CHST9: variants seen among roughly 807,000 people sequenced by gnomAD.
CHST9 encodes GalNAc-4-sulfotransferase 2.
A neutral mutation model predicts 44.4 loss-of-function variants in CHST9; 41 were observed. That is an observed-to-expected ratio of 0.92 (90% confidence interval 0.72 to 1.20). CHST9 has a LOEUF of 1.20. Ranked by LOEUF, CHST9 falls within the 50% of genes most tolerant of loss-of-function variation. The pLI, the probability that CHST9 is intolerant of heterozygous loss-of-function variation, is 0.00. For synonymous variants in CHST9, 171 were observed against 178.4 expected, an observed-to-expected ratio of 0.96 and a Z score of 0.33; for missense variants, 504 against 516.5, an observed-to-expected ratio of 0.98 and a Z score of 0.23.
At chr18:27,044,027 T>C (rs1027255058) in intron 3 of CHST9, among the ~76,000 whole-genome samples, 8 of 151,492 alleles carry the variant, frequency 5.3e-5, no homozygotes, top group African/African-American at 1.5e-4. Context: ...TTGTTTAGTT[T>C]GCATAAACAC....
At chr18:27,020,484 A>G (rs1201832414) in intron 4 of CHST9, among the ~76,000 whole-genome samples, 2 of 152,214 alleles carry the variant, frequency 1.3e-5, no homozygotes, top group African/African-American at 4.8e-5. Context: ...GAGTCTTTGG[A>G]GCTGTCTTTT....
At chr18:26,987,660 C>A (rs1459368332) in intron 4 of CHST9, among the ~76,000 whole-genome samples, 1 of 152,148 alleles carries the variant, frequency 6.6e-6, no homozygotes, top group Non-Finnish European at 1.5e-5. Flanking sequence ...TGTGTCCCCC[C>A]ATCTCCTGCA....
intron 4 of CHST9, among the ~76,000 whole-genome samples, chr18:26,947,001 G>A (rs1047732532): frequency 2.2e-4 from 33 of 152,076 alleles, no homozygotes; most frequent in Admixed American, 1.5e-3. Flanking sequence ...GGCTATATGT[G>A]CTCTTTTTTG....
At chr18:26,982,349 T>C (rs1213949876) in intron 4 of CHST9, among the ~76,000 whole-genome samples, 1 of 151,590 alleles carries the variant, frequency 6.6e-6, no homozygotes, top group African/African-American at 2.4e-5. Flanking sequence ...CTTTTTTTTT[T>C]TTTTTTGCCC....
Position 26,923,257 on chromosome 18 carries a change from G to A in CHST9, c.241-5907C>T, listed in dbSNP as rs970431919. Among the ~76,000 whole-genome samples the A allele has an allele frequency of 3.3e-5, 5 of 152,190 alleles. 1 individual carries two copies. Among genetic ancestry groups the A allele is most frequent in the Non-Finnish European group, 7.3e-5 (5 of 68,034 alleles). On this transcript the variant is annotated intron_variant, in intron 5 of 5. Coordinates refer to ENST00000618847, the MANE Select transcript of CHST9 (RefSeq NM_031422.6). ...TGGGAGAGCAGAAATGGGGGTCCAGGATACAAAGAAAAGACTGGCCCAGTT... is the reference window on the plus strand; with the variant it reads ...TGGGAGAGCAGAAATGGGGGTCCAGAATACAAAGAAAAGACTGGCCCAGTT...
chr18:26,986,216 T>C (rs1021479890), intron 4 of CHST9, among the ~76,000 whole-genome samples: 6 of 152,152 alleles, frequency 3.9e-5, no homozygotes, highest in Non-Finnish European at 8.8e-5. Flanking sequence ...TATAACTATA[T>C]TCTGTATGGC....
At chr18:27,074,664 A>G (rs2057880321) in intron 2 of CHST9, among the ~76,000 whole-genome samples, 1 of 152,114 alleles carries the variant, frequency 6.6e-6, no homozygotes, top group South Asian at 2.1e-4. Context: ...TGATGTTGGT[A>G]TTCTATTTAT....
intron 2 of CHST9, among the ~76,000 whole-genome samples, chr18:27,095,782 T>C (rs1331663901): frequency 3.3e-5 from 5 of 152,108 alleles, no homozygotes; most frequent in African/African-American, 9.6e-5. Context: ...CCCAGATACA[T>C]AGAACAAGAA....
intron 5 of CHST9, 95 bp from the exon 6 acceptor site, chr18:26,917,445 A>G (rs752947087): frequency 1.1e-4 from 150 of 1,375,532 alleles, no homozygotes; most frequent in Middle Eastern, 1.9e-4. Context: ...AAATAGTATC[A>G]AGGAGAGCAT....
chr18:27,174,133 C>T (rs2058851150), intron 1 of CHST9, among the ~76,000 whole-genome samples: 1 of 151,900 alleles, frequency 6.6e-6, no homozygotes, highest in South Asian at 2.1e-4. Flanking sequence ...ATTCACATTC[C>T]TTCCATTGTT....
At chr18:27,143,783 G>GGCCTCTT (rs2058588509) in intron 1 of CHST9, among the ~76,000 whole-genome samples, 1 of 151,754 alleles carries the variant, frequency 6.6e-6, no homozygotes, top group African/African-American at 2.4e-5. Flanking sequence ...CACACACCAG[G>GGCCTCTT]GCCTCTTGGG....
At chr18:27,151,339 G>T (rs1397760755) in intron 1 of CHST9, among the ~76,000 whole-genome samples, 1 of 152,070 alleles carries the variant, frequency 6.6e-6, no homozygotes, top group African/African-American at 2.4e-5. Context: ...ATATCACAGA[G>T]TCCCTGCATA....
At position 27,024,152 on chromosome 18, in the gene CHST9, C is replaced by A. The variant is rs751576392; in HGVS notation, c.166G>T (p.Gly56Ter). 12 of 1,609,848 alleles carry A rather than the reference C, an allele frequency of 7.5e-6. No individual in the cohort carries two copies. Among genetic ancestry groups the A allele is most frequent in the Non-Finnish European group, 1.0e-5 (12 of 1,178,352 alleles). ...RREQKVTSGWGPVKYLRPVPR... is the reference protein window; with the variant it reads ...RREQKVTSGW ...ACAGGCCGCAAGTACTTCACTGGTC[C>A]CCATCCTGAAAAAGAAGAGGAAAGA... Residue 56 changes from glycine (G) to a stop codon, truncating the protein, a stop_gained, in exon 4 of 6, where the codon GGA (glycine) becomes TGA (stop). Coordinates refer to ENST00000618847, the MANE Select transcript of CHST9 (RefSeq NM_031422.6). LOFTEE classifies it high-confidence loss of function.
chr18:26,972,604 C>T (rs929380986), intron 4 of CHST9, among the ~76,000 whole-genome samples: 10 of 152,092 alleles, frequency 6.6e-5, no homozygotes, highest in African/African-American at 2.4e-4. Context: ...GGGATTCCAC[C>T]TTTTCCTGCG....
chr18:27,092,659 T>C (rs1187276283), intron 2 of CHST9, among the ~76,000 whole-genome samples: 1 of 152,216 alleles, frequency 6.6e-6, no homozygotes, highest in Non-Finnish European at 1.5e-5. Flanking sequence ...TTGTTCTCAT[T>C]TGTTTCAAAG....
At chr18:27,118,769 C>T (rs2058350227) in intron 2 of CHST9, among the ~76,000 whole-genome samples, 1 of 152,232 alleles carries the variant, frequency 6.6e-6, no homozygotes, top group Non-Finnish European at 1.5e-5. Context: ...CACTTAGCCA[C>T]TGGTGAGGTC....
intron 4 of CHST9, among the ~76,000 whole-genome samples, chr18:26,945,168 C>T (rs1041056431): frequency 3.3e-5 from 5 of 152,096 alleles, no homozygotes; most frequent in Non-Finnish European, 7.4e-5. Context: ...TAGTGTGTTA[C>T]AAACATTTTA....
chr18:27,082,363 T>C (rs978635631), intron 2 of CHST9, among the ~76,000 whole-genome samples: 2 of 152,216 alleles, frequency 1.3e-5, no homozygotes, highest in Non-Finnish European at 2.9e-5. Context: ...TAAAGAACAA[T>C]GTTATATGGA....
chr18:27,143,715 C>T (rs1224280240), intron 1 of CHST9, among the ~76,000 whole-genome samples: 2 of 151,908 alleles, frequency 1.3e-5, no homozygotes, highest in Non-Finnish European at 2.9e-5. Flanking sequence ...TTCACTGAAA[C>T]CCACATTAAG....
Sources: allele counts gnomAD v4.1 joint callset (sites outside exome capture counted in the v4.1 genomes callset), GRCh38; gene constraint gnomAD v4.1.1; transcripts MANE v1.5; gene names NCBI Gene and HGNC (gene_info 2026-07-23, HGNC 2026-07-21).